The following DSG1 variants were observed in gnomAD, a reference collection of about 807,000 sequenced individuals.
DSG1 encodes the protein desmoglein 1.
Under a neutral mutation model 97.5 loss-of-function variants are expected in DSG1, and 39 were observed. That is an observed-to-expected ratio of 0.40 (90% CI 0.31 to 0.52). The LOEUF is 0.52. Ranked by LOEUF, DSG1 falls within the 20% of genes least tolerant of loss-of-function variation. The probability of loss-of-function intolerance (pLI) is 0.53; values close to 1 mark genes in which losing one functional copy is unlikely to be tolerated. For synonymous variants in DSG1, 475 were observed against 443.4 expected (o/e 1.07, Z -0.90); for missense variants, 1,311 against 1,295.4 (o/e 1.01, Z -0.18).
chr18:31,343,115 T>C (rs2071801059), intron 11 of DSG1, among the ~76,000 whole-genome samples: 1 of 152,126 alleles, frequency 6.6e-6, no homozygotes, highest in Non-Finnish European at 1.5e-5. Context: ...TTTCACCATG[T>C]TGCTCAGGCT....
At chr18:31,345,374 C>T (rs578043237) in intron 13 of DSG1, 1 of 151,706 alleles carries the variant, frequency 6.6e-6, no homozygotes, top group Non-Finnish European at 1.5e-5. Context: ...AAAGATGAAA[C>T]ACTTGACCAA....
In DSG1 at chr18:31,339,884, G is replaced by C; in HGVS notation, c.1546G>C (p.Asp516His). 1 of 1,614,064 alleles carries C rather than the reference G, an allele frequency of 6.2e-7. No individual in the cohort carries two copies. The highest frequency in any genetic ancestry group is 8.5e-7 in the Non-Finnish European group (1 of 1,179,984). Residue 516 changes from aspartate to histidine, a missense_variant, in exon 11 of 15, where the codon GAT becomes CAT. Physicochemically the swap from Asp to His is moderately conservative, Grantham distance 81. Around this residue, in one of 3 missense-constraint regions of DSG1, gnomAD observed 1,038 missense variants for 964.6 expected, o/e 1.08. Transcript: ENST00000257192. Reference sequence around the variant, plus strand: ...AGAAAGTACTTCTTCCACTAACTATGATACCAGCACAACTTCTACTGACTC... The same window carrying C: ...AGAAAGTACTTCTTCCACTAACTATCATACCAGCACAACTTCTACTGACTC... ...RQESTSSTNYDTSTTSTDSSQ... is the reference protein window; with the variant it reads ...RQESTSSTNYHTSTTSTDSSQ...
intron 3 of DSG1, 95 bp downstream of exon 3, chr18:31,327,100 G>A (rs1031920428): frequency 1.9e-5 from 28 of 1,468,004 alleles, no homozygotes; most frequent in Middle Eastern, 1.7e-4. Flanking sequence ...ATGTCTCACC[G>A]AGAAGCTACG....
chr18:31,354,630 A>G lies in DSG1; in HGVS notation c.2434A>G (p.Ser812Gly), dbSNP rs2071936103. The G allele has an allele frequency of 6.2e-7, 1 of 1,614,170 alleles. No individual in the cohort carries two copies. The highest frequency in any genetic ancestry group is 1.3e-5 in the African/African-American group (1 of 75,040). Reference protein sequence around the residue: ...HFGTTTVISESTYPSGPGVLH... With the variant: ...HFGTTTVISEGTYPSGPGVLH... ...CGGCACTACCACAGTAATTTCTGAG[A>G]GCACCTATCCCTCGGGACCTGGTGT... The change falls in exon 15 of 15, where the codon AGC becomes GGC. Residue 812 changes from serine to glycine, a missense_variant. Ser to Gly is a moderately conservative substitution (Grantham distance 56, BLOSUM62 0). This residue lies in a region of DSG1 where 1,038 missense variants were observed against 964.6 expected (regional missense o/e 1.08). Coordinates refer to ENST00000257192, the MANE Select transcript of DSG1 (RefSeq NM_001942.4).
In DSG1 at chr18:31,354,785, A is replaced by G. The variant is rs2071938660; in HGVS notation, c.2589A>G (p.Val863=). The change falls in exon 15 of 15, where the codon GTA becomes GTG. Residue 863 remains valine, a synonymous_variant. Coordinates refer to ENST00000257192, the MANE Select transcript of DSG1 (RefSeq NM_001942.4). The part of the protein sequence containing the change: ...VHDNRPASNV[V]VTERVVGPIS... ...ATAACCGACCAGCATCAAACGTGGT[A>G]GTGACAGAGAGAGTGGTCGGCCCAA... The G allele has an allele frequency of 6.2e-7, 1 of 1,614,204 alleles. No individual in the cohort carries two copies. Among genetic ancestry groups the G allele is most frequent in the South Asian group, 1.1e-5 (1 of 91,080 alleles).
At chr18:31,344,090 T>A in intron 13 of DSG1, 95 bp downstream of exon 13, 1 of 940,470 alleles carries the variant, frequency 1.1e-6, no homozygotes, top group Non-Finnish European at 1.7e-6. Flanking sequence ...TTATTTTTCT[T>A]CAAAAGTGTT....
chr18:31,334,148 G>A lies in DSG1; in HGVS notation c.951G>A (p.Trp317Ter). ...IFFISGNEGN[W>*]FEIEMNERTN... ...TTATCTCTGGAAATGAAGGAAATTGGTTTGAGATAGAAATGAATGAAAGAA... is the reference window on the plus strand; with the variant it reads ...TTATCTCTGGAAATGAAGGAAATTGATTTGAGATAGAAATGAATGAAAGAA... The change falls in exon 8 of 15, where the codon TGG becomes TGA. Residue 317 changes from tryptophan to a stop codon, truncating the protein, a stop_gained. Coordinates refer to ENST00000257192, the MANE Select transcript of DSG1 (RefSeq NM_001942.4). LOFTEE classifies it high-confidence loss of function. 1 of 1,609,496 alleles carries A rather than the reference G, an allele frequency of 6.2e-7. No homozygotes were observed. The highest frequency in any genetic ancestry group is 8.5e-7 in the Non-Finnish European group (1 of 1,176,130).
At chr18:31,326,763 C>T (rs1377205049) in intron 2 of DSG1, 111 bp from the exon 3 acceptor site, 1 of 1,412,378 alleles carries the variant, frequency 7.1e-7, no homozygotes, top group Non-Finnish European at 9.9e-7. Context: ...CCAATTTTCC[C>T]AATTAAACAT....
At chr18:31,329,740 C>T in intron 4 of DSG1, 152 bp from the exon 5 acceptor site, 1 of 892,098 alleles carries the variant, frequency 1.1e-6, no homozygotes, top group Non-Finnish European at 1.8e-6. Context: ...GCCACATTTG[C>T]TTTCCCTTAG....
At position 31,356,718 on chromosome 18, in the gene DSG1, A is replaced by G. The variant is rs560240455; in HGVS notation, c.*1372A>G. On this transcript the variant is annotated 3_prime_UTR_variant, in exon 15 of 15. Coordinates refer to ENST00000257192, the MANE Select transcript of DSG1 (RefSeq NM_001942.4). ...CACTAGCATAAATTTTAAATTCCTG[A>G]TTTGATTTGTCAATAAGATCTTGGC... The G allele has an allele frequency of 7.2e-5, 11 of 152,222 alleles. No individual in the cohort carries two copies. In the East Asian group the frequency reaches 1.3e-3, roughly 19 times the overall value. The allele number at this position is 152,222 out of a possible 1,614,324, so 9.4% of individuals were successfully genotyped here.
At chr18:31,327,341 G>T (rs187747648) in intron 3 of DSG1, among the ~76,000 whole-genome samples, 2 of 152,118 alleles carry the variant, frequency 1.3e-5, no homozygotes, top group East Asian at 3.9e-4. Context: ...TGCTCTTTTT[G>T]CCTCACAATG....
At chr18:31,345,894 A>T in intron 13 of DSG1, 96 bp from the exon 14 acceptor site, 2 of 897,398 alleles carry the variant, frequency 2.2e-6, no homozygotes, top group Non-Finnish European at 3.6e-6. Flanking sequence ...ACAAATGCAT[A>T]CCTAAATGAA....
Position 31,354,689 on chromosome 18 carries a change from C to A in DSG1, c.2493C>A (p.Gly831=). Residue 831 remains glycine, a synonymous_variant, in exon 15 of 15, where the codon GGC becomes GGA. Coordinates refer to ENST00000257192, the MANE Select transcript of DSG1 (RefSeq NM_001942.4). The part of the protein sequence containing the change: ...LHPKPILDPL[G]YGNVTVTESY... ...CTAAGCCTATTCTCGATCCTCTGGG[C>A]TATGGTAATGTCACTGTGACCGAGT... 1 of 1,614,092 alleles carries A rather than the reference C, an allele frequency of 6.2e-7. No individual in the cohort carries two copies. The highest frequency in any genetic ancestry group is 8.5e-7 in the Non-Finnish European group (1 of 1,180,024).
chr18:31,328,071 A>G, intron 3 of DSG1, 118 bp from the exon 4 acceptor site: 1 of 1,012,308 alleles, frequency 9.9e-7, no homozygotes, highest in Non-Finnish European at 1.4e-6. Context: ...ATCTCCATTG[A>G]CAACATTTCC....
chr18:31,340,695 A>G (rs964834819), intron 11 of DSG1, among the ~76,000 whole-genome samples: 41 of 152,206 alleles, frequency 2.7e-4, no homozygotes, highest in African/African-American at 9.6e-4. Flanking sequence ...GCAAAAACCT[A>G]AAAGAATGAG....
intron 4 of DSG1, among the ~76,000 whole-genome samples, chr18:31,328,589 G>T (rs1207654529): frequency 1.3e-5 from 2 of 152,062 alleles, no homozygotes; most frequent in Non-Finnish European, 2.9e-5. Context: ...TAGAGTATTT[G>T]TTTGGAAGGA....
intron 1 of DSG1, among the ~76,000 whole-genome samples, chr18:31,324,469 C>T (rs74534683): frequency 0.029 from 4,488 of 152,232 alleles, 234 homozygotes; most frequent in African/African-American, 0.1. Context: ...TCTACATATC[C>T]AGCTTGAACT....
In DSG1 at chr18:31,329,920, G is replaced by A; in HGVS notation, c.401G>A (p.Gly134Asp). The change falls in exon 5 of 15, where the codon GGC (glycine) becomes GAC (aspartate). Residue 134 changes from glycine to aspartate, a missense_variant. This residue lies in a region of DSG1 where 259 missense variants were observed against 304.1 expected (regional missense o/e 0.85). Transcript: ENST00000257192. Reference protein sequence around the residue: ...IIYCRALNSMGQDLERPLELR... With the variant: ...IIYCRALNSMDQDLERPLELR... ...TACTGCCGAGCTCTGAACTCAATGG[G>A]CCAAGATTTAGAGAGGCCTCTAGAG... 6.2e-7 allele frequency: 1 copy of A among 1,613,172 alleles called. No homozygotes were observed. Among genetic ancestry groups the A allele is most frequent in the Non-Finnish European group, 8.5e-7 (1 of 1,179,346 alleles).
At chr18:31,352,291 A>G (rs1013822220) in intron 14 of DSG1, among the ~76,000 whole-genome samples, 1 of 151,068 alleles carries the variant, frequency 6.6e-6, no homozygotes, top group African/African-American at 2.5e-5. Flanking sequence ...AATGTTGAAT[A>G]TTGGCCCCCA....
Sources: allele counts gnomAD v4.1 joint callset (sites outside exome capture counted in the v4.1 genomes callset), GRCh38; gene constraint gnomAD v4.1.1; regional missense constraint gnomAD v4.1.1; transcripts MANE v1.5; gene names NCBI Gene and HGNC (gene_info 2026-07-23, HGNC 2026-07-21).